SLC44A3: variants seen among roughly 807,000 people sequenced by gnomAD.
SLC44A3 encodes the protein solute carrier family 44 member 3, also known as choline transporter-like protein 3.
SLC44A3 carries 74 observed loss-of-function variants against 75.4 expected under a neutral mutation model. The observed-to-expected ratio is 0.98, with a 90% CI of 0.81 to 1.19. SLC44A3 has a LOEUF of 1.19. Among genes scored for constraint, SLC44A3 ranks in the 50% most tolerant of loss-of-function variants. The pLI, the probability that SLC44A3 is intolerant of heterozygous loss-of-function variation, is 0.00. For missense variants in SLC44A3, 700 were observed against 778.6 expected (o/e 0.90, Z 1.20); for synonymous variants, 310 against 296.9 (o/e 1.04, Z -0.45).
intron 5 of SLC44A3, among the ~76,000 whole-genome samples, chr1:94,830,503 G>A (rs1315461840): frequency 1.3e-5 from 2 of 152,108 alleles, no homozygotes; most frequent in Admixed American, 6.5e-5. Flanking sequence ...GATCCACCAC[G>A]CCTGGCCTAT....
In SLC44A3 at chr1:94,878,184, G is replaced by A. The variant is rs762846002; in HGVS notation, c.1482+10767G>A. Among the ~76,000 whole-genome samples the A allele has an allele frequency of 1.3e-3, 201 of 152,084 alleles. 1 individual carries two copies. The highest frequency in any genetic ancestry group is 2.3e-3 in the Non-Finnish European group (155 of 68,000). ...CAGGGGGCGGAGCCTGCAGTGAGCC[G>A]AGATCGCACCACTGCACTCCAACCT... On this transcript the variant is annotated intron_variant, in intron 12 of 14. Coordinates refer to ENST00000271227, the MANE Select transcript of SLC44A3 (RefSeq NM_001114106.3).
chr1:94,886,027 T>A (rs1055996043), intron 12 of SLC44A3, among the ~76,000 whole-genome samples: 1 of 151,880 alleles, frequency 6.6e-6, no homozygotes, highest in Non-Finnish European at 1.5e-5. Context: ...CCTGGAGGAG[T>A]TACTATTCCT....
At chr1:94,888,730 C>T in intron 12 of SLC44A3, 2 of 886,968 alleles carry the variant, frequency 2.3e-6, no homozygotes, top group Non-Finnish European at 1.3e-6. Context: ...GGTTTCCAGC[C>T]TTTTGTCTTT....
intron 10 of SLC44A3, among the ~76,000 whole-genome samples, chr1:94,860,471 CAAAG>C (rs1396340733): frequency 1.3e-5 from 2 of 152,016 alleles, no homozygotes; most frequent in East Asian, 1.9e-4. Flanking sequence ...AGGAAATTAA[CAAAG>C]AAAATTTGCC....
rs1443983190 is a variant in SLC44A3 at position 94,820,366 on chromosome 1, C to T, written c.-86C>T. On this transcript the variant is annotated 5_prime_UTR_variant, in exon 1 of 15. Transcript: ENST00000271227. Reference sequence around the variant, plus strand: ...CCCCAGCCCCAGCCCCAGCCCCGGCCCCGGCCCCGGCTCGCGGGCGCTGCG... The same window carrying T: ...CCCCAGCCCCAGCCCCAGCCCCGGCTCCGGCCCCGGCTCGCGGGCGCTGCG... 9.7e-6 allele frequency: 13 copies of T among 1,346,600 alleles called. 1 individual carries two copies. In the East Asian group the frequency reaches 1.6e-4, roughly 17 times the overall value. The allele number at this position is 1,346,600 out of a possible 1,614,324, so 83.4% of individuals were successfully genotyped here. A position where few individuals can be genotyped will look rare whatever the true frequency, so the allele number is the denominator to read the frequency against.
intron 6 of SLC44A3, 151 bp downstream of exon 6, chr1:94,838,022 G>C: frequency 2.4e-6 from 2 of 822,640 alleles, no homozygotes; most frequent in Middle Eastern, 3.4e-4. Context: ...GATTTAAGTG[G>C]GATGGGGGCA....
intron 5 of SLC44A3, 74 bp downstream of exon 5, chr1:94,828,660 C>G: frequency 7.5e-7 from 1 of 1,333,920 alleles, no homozygotes; most frequent in Non-Finnish European, 1.1e-6. Context: ...TGTTACTCTT[C>G]TAGGCATTGT....
intron 2 of SLC44A3, 85 bp from the exon 3 acceptor site, chr1:94,824,408 C>T (rs750957026): frequency 1.4e-4 from 204 of 1,451,968 alleles, no homozygotes; most frequent in Non-Finnish European, 1.7e-4. Flanking sequence ...CACCAGGCTC[C>T]GTTTTATATC....
At chr1:94,870,010 C>T (rs920202141) in intron 12 of SLC44A3, among the ~76,000 whole-genome samples, 1 of 152,216 alleles carries the variant, frequency 6.6e-6, no homozygotes, top group African/African-American at 2.4e-5. Flanking sequence ...TCTTAAAAGC[C>T]TAATCCATCT....
intron 9 of SLC44A3, among the ~76,000 whole-genome samples, chr1:94,845,980 G>A (rs907420405): frequency 6.6e-6 from 1 of 151,904 alleles, no homozygotes; most frequent in Admixed American, 6.6e-5. Flanking sequence ...AACCCCGTCT[G>A]TACTAAAAAT....
intron 7 of SLC44A3, among the ~76,000 whole-genome samples, chr1:94,840,948 T>A (rs370814820): frequency 6.6e-6 from 1 of 152,160 alleles, no homozygotes; most frequent in African/African-American, 2.4e-5. Context: ...TACCAACTGG[T>A]GTGGGGTACA....
chr1:94,832,346 T>C (rs1662236910), intron 5 of SLC44A3, among the ~76,000 whole-genome samples: 1 of 151,910 alleles, frequency 6.6e-6, no homozygotes, highest in African/African-American at 2.4e-5. Context: ...CATTCTGAAG[T>C]GTATTAAGTT....
chr1:94,879,788 G>A (rs1387307046), intron 12 of SLC44A3, among the ~76,000 whole-genome samples: 5 of 148,898 alleles, frequency 3.4e-5, no homozygotes, highest in African/African-American at 1.0e-4. Flanking sequence ...GCAGTGAGTC[G>A]AGACTGCGCC....
In SLC44A3 at chr1:94,820,990, CCAGATT is replaced by C. The variant is rs1660494448; in HGVS notation, c.70_75del (p.Gln24_Ile25del). The C allele has an allele frequency of 6.4e-7, 1 of 1,551,482 alleles. No individual in the cohort carries two copies. The highest frequency in any genetic ancestry group is 2.0e-5 in the Admixed American group (1 of 50,984). ...CCCCTAGGCAAAGGGAGTGGCGACC[CCAGATT>C]TATAGGAAATGCACAGATACGGCAT... On this transcript the variant is annotated inframe_deletion, in exon 2 of 15. Coordinates refer to ENST00000271227, the MANE Select transcript of SLC44A3 (RefSeq NM_001114106.3).
intron 4 of SLC44A3, 40 bp from the exon 5 acceptor site, chr1:94,828,452 AC>A: frequency 1.3e-6 from 2 of 1,547,222 alleles, no homozygotes; most frequent in Non-Finnish European, 1.8e-6. Context: ...TTACTGACTC[AC>A]CTGGAAAGAA....
intron 12 of SLC44A3, among the ~76,000 whole-genome samples, chr1:94,878,384 G>T (rs1668562317): frequency 6.6e-6 from 1 of 152,186 alleles, no homozygotes; most frequent in African/African-American, 2.4e-5. Flanking sequence ...GTGTGTCCAT[G>T]GATTGAAGAA....
At chr1:94,879,504 C>G (rs1221619708) in intron 12 of SLC44A3, among the ~76,000 whole-genome samples, 110 of 142,942 alleles carry the variant, frequency 7.7e-4, no homozygotes, top group Middle Eastern at 4.1e-3. Context: ...TGCACTCCAG[C>G]CTGGGCGACA....
Position 94,827,489 on chromosome 1 carries a change from G to C in SLC44A3, c.279-18G>C. On this transcript the variant is annotated intron_variant, in intron 3 of 14. Transcript: ENST00000271227. ...AAGCAATGCTCTAACACATTCTTCT[G>C]TTTCATCTATTTCCTAGACACGTGT... 6.2e-7 allele frequency: 1 copy of C among 1,614,128 alleles called. No homozygotes were observed. The highest frequency in any genetic ancestry group is 8.5e-7 in the Non-Finnish European group (1 of 1,179,980).
At chr1:94,854,494 C>A (rs1665606614) in intron 9 of SLC44A3, among the ~76,000 whole-genome samples, 1 of 152,214 alleles carries the variant, frequency 6.6e-6, no homozygotes, top group Admixed American at 6.5e-5. Flanking sequence ...ATGATAGTAG[C>A]TGTAGTGCCC....
Sources: gnomAD v4.1 joint callset for allele counts (sites outside exome capture counted in the v4.1 genomes callset) on GRCh38, gnomAD v4.1.1 for gene constraint, MANE v1.5 for transcripts, NCBI Gene and HGNC (gene_info 2026-07-23, HGNC 2026-07-21) for gene names.